RGS17: variants seen among roughly 807,000 people sequenced by gnomAD.
RGS17 encodes regulator of G protein signaling 17.
In RGS17, 12 loss-of-function variants were observed where a neutral mutation model predicts 25.5. The ratio of observed to expected loss-of-function variants is 0.47; its 90% CI spans 0.30 to 0.76. RGS17 has a LOEUF of 0.76. Among genes scored for constraint, RGS17 ranks in the 30% least tolerant of loss-of-function variants. RGS17 has a pLI of 0.07. For missense variants in RGS17, 196 were observed against 242.2 expected, an observed-to-expected ratio of 0.81 and a Z score of 1.27; for synonymous variants, 71 against 76.9, an observed-to-expected ratio of 0.92 and a Z score of 0.40.
At chr6:153,108,939 C>A (rs1304401123) in intron 1 of RGS17, among the ~76,000 whole-genome samples, 2 of 151,894 alleles carry the variant, frequency 1.3e-5, no homozygotes, top group Non-Finnish European at 2.9e-5. Context: ...TGGGGGCAGG[C>A]ATTTTTGTCT....
chr6:153,045,537 A>G (rs1003052407), intron 1 of RGS17, among the ~76,000 whole-genome samples: 1 of 152,206 alleles, frequency 6.6e-6, no homozygotes, highest in Non-Finnish European at 1.5e-5. Context: ...GATACTGATA[A>G]AAGAGCTGCT....
intron 1 of RGS17, among the ~76,000 whole-genome samples, chr6:153,052,046 A>C (rs1371647216): frequency 6.6e-6 from 1 of 152,226 alleles, no homozygotes. Flanking sequence ...AAAATGATTC[A>C]GAGATCATCA....
At chr6:153,092,327 T>C (rs905113491) in intron 1 of RGS17, among the ~76,000 whole-genome samples, 15 of 152,190 alleles carry the variant, frequency 9.9e-5, no homozygotes, top group African/African-American at 3.4e-4. Context: ...AGGAAGCAGT[T>C]GAAGACTCAG....
intron 1 of RGS17, among the ~76,000 whole-genome samples, chr6:153,102,063 C>T (rs1028751071): frequency 8.5e-5 from 13 of 152,172 alleles, no homozygotes; most frequent in Non-Finnish European, 1.9e-4. Flanking sequence ...ATCAATGCAA[C>T]GATCTGCCTT....
At chr6:153,075,438 A>G (rs976951665) in intron 1 of RGS17, among the ~76,000 whole-genome samples, 1 of 152,010 alleles carries the variant, frequency 6.6e-6, no homozygotes, top group Non-Finnish European at 1.5e-5. Context: ...CCCCATCCCT[A>G]CCTCTACCCT....
At chr6:153,116,884 T>A (rs926313073) in intron 1 of RGS17, among the ~76,000 whole-genome samples, 2 of 151,912 alleles carry the variant, frequency 1.3e-5, no homozygotes, top group African/African-American at 4.8e-5. Flanking sequence ...TGAGAACACA[T>A]GGACACAGGA....
Position 153,011,618 on chromosome 6 carries a change from T to G in RGS17, c.589A>C (p.Lys197Gln). ...CCAGCAGTACTTTCAACAAATGACT[T>G]ATAAATTTGAGAGTTCAAAAACCTT... ...FPRFLNSQIYKSFVESTAGSS... is the reference protein window; with the variant it reads ...FPRFLNSQIYQSFVESTAGSS... The change falls in exon 5 of 5, where the codon AAG (lysine) becomes CAG (glutamine). Residue 197 changes from lysine (K) to glutamine (Q), a missense_variant. Physicochemically the swap from Lys to Gln is moderately conservative, Grantham distance 53. Around this residue, in one of 2 missense-constraint regions of RGS17, gnomAD observed 179 missense variants for 197.6 expected, o/e 0.91. Coordinates refer to ENST00000206262, the MANE Select transcript of RGS17 (RefSeq NM_012419.5). 3 of 1,611,478 alleles carry G rather than the reference T, an allele frequency of 1.9e-6. No homozygotes were observed. Among genetic ancestry groups the G allele is most frequent in the Non-Finnish European group, 2.5e-6 (3 of 1,178,626 alleles).
At chr6:153,054,051 G>T (rs1216339974) in intron 1 of RGS17, among the ~76,000 whole-genome samples, 29 of 54,588 alleles carry the variant, frequency 5.3e-4, no homozygotes, top group Admixed American at 1.3e-3. Context: ...ATGTATATAT[G>T]TATATAATAT....
intron 1 of RGS17, among the ~76,000 whole-genome samples, chr6:153,129,425 T>C (rs1235454882): frequency 6.6e-6 from 1 of 152,242 alleles, no homozygotes; most frequent in Non-Finnish European, 1.5e-5. Context: ...CGGAAACAAG[T>C]ACAATGTACT....
intron 4 of RGS17, among the ~76,000 whole-genome samples, chr6:153,022,109 G>A (rs961983015): frequency 1.3e-5 from 2 of 152,126 alleles, no homozygotes; most frequent in Non-Finnish European, 2.9e-5. Context: ...TTGGGCGGCT[G>A]AGGCAGGAGA....
chr6:153,105,417 C>T (rs192079416), intron 1 of RGS17, among the ~76,000 whole-genome samples: 4 of 152,142 alleles, frequency 2.6e-5, no homozygotes, highest in East Asian at 3.9e-4. Context: ...GCTGCCACCC[C>T]GGGCTCAGCC....
At chr6:153,078,417 T>C (rs1053573609) in intron 1 of RGS17, among the ~76,000 whole-genome samples, 20 of 152,302 alleles carry the variant, frequency 1.3e-4, no homozygotes, top group African/African-American at 4.6e-4. Context: ...TATCTCTTCA[T>C]ATATTTATAT....
intron 2 of RGS17, among the ~76,000 whole-genome samples, chr6:153,032,352 A>G (rs1288459050): frequency 6.6e-6 from 1 of 152,168 alleles, no homozygotes; most frequent in Non-Finnish European, 1.5e-5. Context: ...TTGCCCCTCT[A>G]AAGGCTCACT....
At chr6:153,049,508 T>C (rs1776433314) in intron 1 of RGS17, among the ~76,000 whole-genome samples, 1 of 152,064 alleles carries the variant, frequency 6.6e-6, no homozygotes. Flanking sequence ...TCCCAGCACT[T>C]TGGGAGGCCG....
chr6:153,036,978 T>A (rs552265773), intron 2 of RGS17, among the ~76,000 whole-genome samples: 2 of 152,226 alleles, frequency 1.3e-5, no homozygotes, highest in Admixed American at 1.3e-4. Flanking sequence ...AACCCTTCAA[T>A]TGCTTCCCAT....
intron 1 of RGS17, among the ~76,000 whole-genome samples, chr6:153,125,482 G>A (rs1032254087): frequency 2.6e-5 from 4 of 152,084 alleles, no homozygotes; most frequent in African/African-American, 4.8e-5. Flanking sequence ...ATAGGTCATT[G>A]CTTCTCCTAT....
chr6:153,078,692 A>G (rs1776923401), intron 1 of RGS17, among the ~76,000 whole-genome samples: 2 of 152,048 alleles, frequency 1.3e-5, no homozygotes, highest in African/African-American at 4.8e-5. Context: ...AACAAAATTT[A>G]TACTTTTAGC....
chr6:153,014,635 A>G (rs980578412), intron 4 of RGS17, among the ~76,000 whole-genome samples: 1 of 152,104 alleles, frequency 6.6e-6, no homozygotes, highest in Non-Finnish European at 1.5e-5. Context: ...CGTCTCTACT[A>G]AAAATACGAA....
chr6:153,083,910 T>C (rs1777017716), intron 1 of RGS17, among the ~76,000 whole-genome samples: 2 of 152,206 alleles, frequency 1.3e-5, no homozygotes, highest in Admixed American at 1.3e-4. Flanking sequence ...CACACACCTA[T>C]AAAATATGCA....
Sources: gnomAD v4.1 joint callset for allele counts (sites outside exome capture counted in the v4.1 genomes callset) on GRCh38, gnomAD v4.1.1 for gene constraint, gnomAD v4.1.1 regional missense constraint, MANE v1.5 for transcripts, NCBI Gene and HGNC (gene_info 2026-07-23, HGNC 2026-07-21) for gene names.